NLK: variants seen among roughly 807,000 people sequenced by gnomAD.
The protein encoded by NLK is serine/threonine-protein kinase NLK.
Under a neutral mutation model 59.0 loss-of-function variants are expected in NLK, and 11 were observed. The observed-to-expected ratio is 0.19, with a 90% CI of 0.12 to 0.31. The LOEUF is 0.31. NLK is among the 10% of genes least tolerant of loss of function. The pLI is 1.00. For synonymous variants in NLK, 235 were observed against 235.9 expected, an observed-to-expected ratio of 1.00 and a Z score of 0.03; for missense variants, 410 against 661.1, an observed-to-expected ratio of 0.62 and a Z score of 4.16.
chr17:28,049,517 G>T (rs1490202805), intron 1 of NLK, among the ~76,000 whole-genome samples: 3 of 152,136 alleles, frequency 2.0e-5, no homozygotes, highest in African/African-American at 7.2e-5. Context: ...GCTGTTGTCT[G>T]TATTGTGCTT....
At chr17:28,078,628 T>C (rs1910244464) in intron 1 of NLK, among the ~76,000 whole-genome samples, 1 of 152,196 alleles carries the variant, frequency 6.6e-6, no homozygotes, top group Non-Finnish European at 1.5e-5. Flanking sequence ...TCCATTTTAC[T>C]TTGTGTTCAT....
intron 1 of NLK, among the ~76,000 whole-genome samples, chr17:28,078,759 C>A (rs1045150288): frequency 6.6e-6 from 1 of 151,948 alleles, no homozygotes; most frequent in Non-Finnish European, 1.5e-5. Flanking sequence ...GTTTATAAAC[C>A]ATGGTTTATA....
intron 6 of NLK, among the ~76,000 whole-genome samples, chr17:28,169,255 T>G (rs1908366357): frequency 6.6e-6 from 1 of 152,234 alleles, no homozygotes; most frequent in Non-Finnish European, 1.5e-5. Flanking sequence ...AGGTATAATC[T>G]TCAGTTGTTA....
chr17:28,189,993 T>G (rs895293504), intron 8 of NLK, among the ~76,000 whole-genome samples: 13 of 152,040 alleles, frequency 8.6e-5, no homozygotes, highest in African/African-American at 3.1e-4. Context: ...TTTTAGGGAA[T>G]CCGGGCTTAT....
chr17:28,171,316 A>G (rs1437093191), intron 6 of NLK: 3 of 152,236 alleles, frequency 2.0e-5, no homozygotes, highest in Admixed American at 6.5e-5. Context: ...CGGCAAGCCC[A>G]GAACCAGGAA....
chr17:28,181,207 T>G (rs768741240), intron 7 of NLK, among the ~76,000 whole-genome samples: 1 of 152,074 alleles, frequency 6.6e-6, no homozygotes, highest in African/African-American at 2.4e-5. Context: ...GAAACCAGCC[T>G]GGGCAACATG....
At chr17:28,121,080 C>A (rs536924883) in intron 1 of NLK, among the ~76,000 whole-genome samples, 2 of 152,028 alleles carry the variant, frequency 1.3e-5, no homozygotes, top group Middle Eastern at 3.4e-3. Flanking sequence ...TGGATCAATT[C>A]TTTTTTCTTT....
the NLK span, among the ~76,000 whole-genome samples, chr17:28,204,710 A>T: frequency 1.3e-5 from 2 of 152,222 alleles, no homozygotes; most frequent in African/African-American, 4.8e-5. Flanking sequence ...AATCAATTAC[A>T]TAGAGTGCTA....
chr17:28,123,956 A>T (rs1906184503), intron 2 of NLK, among the ~76,000 whole-genome samples: 1 of 152,184 alleles, frequency 6.6e-6, no homozygotes, highest in Non-Finnish European at 1.5e-5. Context: ...ATGATTTCTC[A>T]TGAGTCTGAG....
downstream of NLK, among the ~76,000 whole-genome samples, chr17:28,199,423 T>C (rs575515648): frequency 7.8e-4 from 118 of 152,052 alleles, no homozygotes; most frequent in Non-Finnish European, 1.2e-3. Context: ...CCCAGAACTT[T>C]GGGAGGCCAA....
At chr17:28,158,631 T>A (rs1400498822) in intron 3 of NLK, among the ~76,000 whole-genome samples, 3 of 150,146 alleles carry the variant, frequency 2.0e-5, no homozygotes, top group Non-Finnish European at 4.5e-5. Flanking sequence ...TGTACAAAAA[T>A]TTTTTTTTCT....
At chr17:28,179,457 A>G (rs1426880607) in intron 7 of NLK, among the ~76,000 whole-genome samples, 1 of 152,098 alleles carries the variant, frequency 6.6e-6, no homozygotes, top group Non-Finnish European at 1.5e-5. Context: ...CCGGCTGGGA[A>G]TGGTGGCTCA....
intron 7 of NLK, among the ~76,000 whole-genome samples, chr17:28,173,475 T>G (rs1908554163): frequency 6.6e-6 from 1 of 152,184 alleles, no homozygotes; most frequent in Non-Finnish European, 1.5e-5. Context: ...TCACCTTCCC[T>G]TTGCGGTTCT....
intron 8 of NLK, among the ~76,000 whole-genome samples, chr17:28,188,548 G>A (rs530579261): frequency 5.9e-5 from 9 of 152,260 alleles, no homozygotes; most frequent in African/African-American, 1.2e-4. Context: ...CACGATCTCC[G>A]CTCACCACAA....
intron 1 of NLK, among the ~76,000 whole-genome samples, chr17:28,055,926 T>C (rs1909427219): frequency 6.6e-6 from 1 of 152,220 alleles, no homozygotes; most frequent in South Asian, 2.1e-4. Context: ...AAAATTTTCT[T>C]TAGCACATAA....
chr17:28,102,013 T>A (rs1189131968), intron 1 of NLK, among the ~76,000 whole-genome samples: 3 of 152,236 alleles, frequency 2.0e-5, no homozygotes, highest in African/African-American at 4.8e-5. Context: ...TCTGTATCTT[T>A]TGTTTAAAGT....
intron 1 of NLK, among the ~76,000 whole-genome samples, chr17:28,077,527 A>G (rs1910212711): frequency 6.6e-6 from 1 of 152,100 alleles, no homozygotes; most frequent in Non-Finnish European, 1.5e-5. Flanking sequence ...AAACCATATC[A>G]CCAGCCCTGG....
downstream of NLK, among the ~76,000 whole-genome samples, chr17:28,198,540 G>T (rs915128481): frequency 1.3e-5 from 2 of 152,074 alleles, no homozygotes; most frequent in East Asian, 3.9e-4. Flanking sequence ...GGCCAGGCTG[G>T]TGTCGAACTC....
Position 28,110,500 on chromosome 17 carries a change from T to A in NLK, c.459-12103T>A, listed in dbSNP as rs531320249. Among the ~76,000 whole-genome samples, 417 of 151,562 alleles carry A rather than the reference T, an allele frequency of 2.8e-3. 4 individuals are homozygous for A. Among genetic ancestry groups the A allele is most frequent in the African/African-American group, 9.3e-3 (385 of 41,260 alleles). On this transcript the variant is annotated intron_variant, in intron 1 of 10. Coordinates refer to ENST00000407008, the MANE Select transcript of NLK (RefSeq NM_016231.5). ...TTGGGTTTTTTGGGTTTTTTTTTTTTACAACTTTTTGGATCTGTAGATTAT... is the reference window on the plus strand; with the variant it reads ...TTGGGTTTTTTGGGTTTTTTTTTTTAACAACTTTTTGGATCTGTAGATTAT...
Sources: gnomAD v4.1 joint callset for allele counts (sites outside exome capture counted in the v4.1 genomes callset) on GRCh38, gnomAD v4.1.1 for gene constraint, MANE v1.5 for transcripts, NCBI Gene and HGNC (gene_info 2026-07-23, HGNC 2026-07-21) for gene names.